Variants in RORB observed in about 807,000 individuals in gnomAD.
RORB encodes RAR related orphan receptor B.
A neutral mutation model predicts 59.1 loss-of-function variants in RORB; 6 were observed. The ratio of observed to expected loss-of-function variants is 0.10; its 90% CI spans 0.06 to 0.20. The LOEUF (loss-of-function observed/expected upper bound fraction) is 0.20. Among genes scored for constraint, RORB ranks in the 10% least tolerant of loss-of-function variants. RORB has a pLI of 1.00. For missense variants in RORB, 320 were observed against 560.5 expected, an observed-to-expected ratio of 0.57 and a Z score of 4.33; for synonymous variants, 215 against 204.5, an observed-to-expected ratio of 1.05 and a Z score of -0.44.
intron 1 of RORB, among the ~76,000 whole-genome samples, chr9:74,523,595 G>A (rs952026722): frequency 4.0e-5 from 6 of 151,842 alleles, no homozygotes; most frequent in African/African-American, 1.5e-4. Context: ...ACAACTAAAG[G>A]ACTCAAGCCA....
chr9:74,514,466 A>G (rs1825981867), intron 1 of RORB, among the ~76,000 whole-genome samples: 1 of 152,012 alleles, frequency 6.6e-6, no homozygotes, highest in Non-Finnish European at 1.5e-5. Context: ...ATTTACAAAA[A>G]CAGGTGGCAG....
intron 1 of RORB, among the ~76,000 whole-genome samples, chr9:74,538,479 G>A (rs901137349): frequency 1.3e-5 from 2 of 152,114 alleles, no homozygotes; most frequent in Admixed American, 6.6e-5. Flanking sequence ...AAAATTTCAA[G>A]AGATTATTTG....
At chr9:74,577,209 T>C (rs1429871051) in intron 1 of RORB, among the ~76,000 whole-genome samples, 1 of 152,120 alleles carries the variant, frequency 6.6e-6, no homozygotes, top group African/African-American at 2.4e-5. Context: ...CAGTTTCTTC[T>C]TGTACAATCA....
intron 9 of RORB, among the ~76,000 whole-genome samples, chr9:74,675,118 C>T (rs1345682562): frequency 6.6e-6 from 1 of 151,874 alleles, no homozygotes; most frequent in African/African-American, 2.4e-5. Context: ...AAAACCATTT[C>T]AAAAGATGGA....
chr9:74,584,409 A>G (rs908072353), intron 1 of RORB, among the ~76,000 whole-genome samples: 1 of 152,188 alleles, frequency 6.6e-6, no homozygotes, highest in African/African-American at 2.4e-5. Flanking sequence ...TAGCATAATT[A>G]CTTATAGGGT....
intron 1 of RORB, among the ~76,000 whole-genome samples, chr9:74,543,369 G>A (rs73652814): frequency 0.032 from 4,837 of 152,262 alleles, 225 homozygotes; most frequent in African/African-American, 0.11. Flanking sequence ...CATGCCACTC[G>A]TCCAACTCAT....
At chr9:74,618,200 T>C (rs1384375892) in intron 1 of RORB, among the ~76,000 whole-genome samples, 1 of 152,074 alleles carries the variant, frequency 6.6e-6, no homozygotes, top group Admixed American at 6.6e-5. Flanking sequence ...TTTGTGTATG[T>C]AAGTATTTGG....
intron 1 of RORB, among the ~76,000 whole-genome samples, chr9:74,609,157 T>G (rs952881474): frequency 2.0e-5 from 3 of 152,238 alleles, no homozygotes; most frequent in African/African-American, 4.8e-5. Flanking sequence ...TTGGCTTAAG[T>G]GCATTCACAT....
intron 1 of RORB, among the ~76,000 whole-genome samples, chr9:74,610,872 T>G (rs1039072341): frequency 6.6e-6 from 1 of 152,196 alleles, no homozygotes; most frequent in Admixed American, 6.5e-5. Flanking sequence ...TGGAATGGTA[T>G]CTAAGAATCT....
chr9:74,560,615 G>A (rs1361582088), intron 1 of RORB, among the ~76,000 whole-genome samples: 2 of 151,802 alleles, frequency 1.3e-5, no homozygotes, highest in African/African-American at 4.8e-5. Flanking sequence ...TAAATTTTAA[G>A]GCAGATTCCA....
At chr9:74,557,589 G>T (rs1822326548) in intron 1 of RORB, among the ~76,000 whole-genome samples, 1 of 152,112 alleles carries the variant, frequency 6.6e-6, no homozygotes, top group African/African-American at 2.4e-5. Flanking sequence ...AATCAGGTAT[G>T]CAAATATACC....
intron 1 of RORB, among the ~76,000 whole-genome samples, chr9:74,541,589 G>C (rs1170366150): frequency 2.6e-5 from 4 of 152,090 alleles, no homozygotes; most frequent in African/African-American, 9.7e-5. Context: ...TGAAGTTTTA[G>C]ATATGATGTC....
At chr9:74,559,573 A>G (rs1325241702) in intron 1 of RORB, among the ~76,000 whole-genome samples, 2 of 152,086 alleles carry the variant, frequency 1.3e-5, no homozygotes, top group Non-Finnish European at 2.9e-5. Flanking sequence ...CACATTATTG[A>G]TAGAGCTAAA....
chr9:74,671,740 C>A, intron 8 of RORB, 49 bp from the exon 9 acceptor site: 1 of 1,202,760 alleles, frequency 8.3e-7, no homozygotes. Flanking sequence ...GTGGGTGAAG[C>A]AAAACAAAGT....
chr9:74,683,205 C>G (rs1378319041), intron 9 of RORB, among the ~76,000 whole-genome samples: 2 of 152,300 alleles, frequency 1.3e-5, no homozygotes, highest in East Asian at 3.9e-4. Context: ...AGAAAGCGTT[C>G]AAAGCCACTC....
intron 1 of RORB, among the ~76,000 whole-genome samples, chr9:74,568,667 T>G (rs2118219121): frequency 7.4e-6 from 1 of 135,664 alleles, no homozygotes; most frequent in Admixed American, 8.3e-5. Flanking sequence ...GCCATTGCAC[T>G]CCAGCCTGGG....
At chr9:74,572,546 A>G (rs913036308) in intron 1 of RORB, among the ~76,000 whole-genome samples, 1 of 152,148 alleles carries the variant, frequency 6.6e-6, no homozygotes, top group Non-Finnish European at 1.5e-5. Flanking sequence ...AGGTGATGTT[A>G]TCACCTTTGA....
At chr9:74,518,356 A>G (rs548797084) in intron 1 of RORB, among the ~76,000 whole-genome samples, 1 of 152,140 alleles carries the variant, frequency 6.6e-6, no homozygotes, top group Non-Finnish European at 1.5e-5. Flanking sequence ...ATTGCCACCA[A>G]TGACCACACA....
chr9:74,515,872 T>C (rs969178154), intron 1 of RORB, among the ~76,000 whole-genome samples: 16 of 152,088 alleles, frequency 1.1e-4, no homozygotes, highest in Non-Finnish European at 4.4e-5. Flanking sequence ...TTGTGTAGAA[T>C]TTTATTGCCA....
Sources: gnomAD v4.1 joint callset for allele counts (sites outside exome capture counted in the v4.1 genomes callset) on GRCh38, gnomAD v4.1.1 for gene constraint, MANE v1.5 for transcripts, NCBI Gene and HGNC (gene_info 2026-07-23, HGNC 2026-07-21) for gene names.